Variants in PTPN4 observed in about 807,000 individuals in gnomAD.
PTPN4 encodes tyrosine-protein phosphatase non-receptor type 4.
PTPN4 carries 49 observed loss-of-function variants against 135.5 expected under a neutral mutation model. That is an observed-to-expected ratio of 0.36 (90% CI 0.29 to 0.46). PTPN4 has a LOEUF of 0.46. Ranked by LOEUF, PTPN4 falls within the 20% of genes least tolerant of loss-of-function variation. The pLI is 1.00. For missense variants in PTPN4, 860 were observed against 1,101.0 expected, an observed-to-expected ratio of 0.78 and a Z score of 3.10; for synonymous variants, 333 against 369.9, an observed-to-expected ratio of 0.90 and a Z score of 1.14.
intron 1 of PTPN4, among the ~76,000 whole-genome samples, chr2:119,794,749 G>A (rs932005427): frequency 2.6e-5 from 4 of 152,074 alleles, no homozygotes; most frequent in African/African-American, 4.8e-5. Context: ...CAAGAGGTGT[G>A]TTTCAGCCCT....
intron 2 of PTPN4, among the ~76,000 whole-genome samples, chr2:119,814,628 A>G (rs900821867): frequency 1.3e-5 from 2 of 152,092 alleles, no homozygotes; most frequent in Admixed American, 6.5e-5. Context: ...TTCATTTTCC[A>G]AAATTTTCTT....
At chr2:119,786,975 A>T (rs1456027523) in intron 1 of PTPN4, among the ~76,000 whole-genome samples, 1 of 152,148 alleles carries the variant, frequency 6.6e-6, no homozygotes, top group East Asian at 1.9e-4. Flanking sequence ...ACTACTATAC[A>T]TTTGGAAGAC....
chr2:119,961,887 G>T (rs1336296781), intron 23 of PTPN4, among the ~76,000 whole-genome samples: 1 of 152,146 alleles, frequency 6.6e-6, no homozygotes. Context: ...GGGTAAGGAT[G>T]GGGGAACGGA....
chr2:119,896,368 A>C (rs1678323928), intron 9 of PTPN4, among the ~76,000 whole-genome samples: 1 of 152,230 alleles, frequency 6.6e-6, no homozygotes, highest in Non-Finnish European at 1.5e-5. Context: ...ATTTACCTGT[A>C]AAGCACTGGA....
intron 3 of PTPN4, among the ~76,000 whole-genome samples, chr2:119,872,297 C>T (rs1677924449): frequency 6.6e-6 from 1 of 151,956 alleles, no homozygotes; most frequent in African/African-American, 2.4e-5. Context: ...AAGTTTCTAA[C>T]TTAATTTCTA....
intron 2 of PTPN4, among the ~76,000 whole-genome samples, chr2:119,830,085 A>C (rs1465898812): frequency 6.6e-6 from 1 of 152,102 alleles, no homozygotes. Flanking sequence ...TTTACTGCAT[A>C]ATAATGTTTC....
intron 3 of PTPN4, among the ~76,000 whole-genome samples, chr2:119,870,622 C>T (rs561108797): frequency 5.3e-5 from 8 of 152,000 alleles, no homozygotes; most frequent in Middle Eastern, 3.4e-3. Flanking sequence ...TTCTTAGTAT[C>T]GATATAAGTC....
chr2:119,870,475 A>G (rs1187746321), intron 3 of PTPN4, among the ~76,000 whole-genome samples: 1 of 152,178 alleles, frequency 6.6e-6, no homozygotes, highest in Non-Finnish European at 1.5e-5. Flanking sequence ...ATTTTTGGGG[A>G]GAAGATTTGA....
intron 8 of PTPN4, among the ~76,000 whole-genome samples, chr2:119,884,275 G>A (rs1044367932): frequency 6.6e-6 from 1 of 152,332 alleles, no homozygotes; most frequent in Non-Finnish European, 1.5e-5. Flanking sequence ...ATCAAAAGAA[G>A]AATAGCATTT....
intron 2 of PTPN4, among the ~76,000 whole-genome samples, chr2:119,860,489 A>AAACCT (rs748736819): frequency 1.6e-4 from 25 of 152,178 alleles, no homozygotes; most frequent in Non-Finnish European, 2.5e-4. Flanking sequence ...AGATGGAAAG[A>AAACCT]AACCTAGTCT....
intron 2 of PTPN4, among the ~76,000 whole-genome samples, chr2:119,823,395 C>A (rs537815084): frequency 6.6e-6 from 1 of 152,020 alleles, no homozygotes; most frequent in Non-Finnish European, 1.5e-5. Context: ...CCACCACGCC[C>A]GGCTAATTTT....
intron 13 of PTPN4, among the ~76,000 whole-genome samples, chr2:119,930,669 A>G (rs1419684108): frequency 6.6e-6 from 1 of 152,142 alleles, no homozygotes. Context: ...TTAGTCCGAC[A>G]TTTCTTTTTA....
intron 2 of PTPN4, among the ~76,000 whole-genome samples, chr2:119,847,275 TACACACACACACACACAC>T (rs775485671): frequency 4.5e-4 from 48 of 107,526 alleles, no homozygotes; most frequent in Non-Finnish European, 7.0e-4. Context: ...ATACTCTATA[TACACACACACACACACAC>T]ACACACACAC....
At chr2:119,949,329 G>A (rs1679179190) in intron 18 of PTPN4, among the ~76,000 whole-genome samples, 2 of 151,986 alleles carry the variant, frequency 1.3e-5, no homozygotes, top group African/African-American at 2.4e-5. Flanking sequence ...CCTTCTAATT[G>A]GAAACCACAG....
rs766571170 is a variant in PTPN4, at chr2:119,976,915, T to A, written c.2695-69T>A. ...GCAAGCCAAGTGAGATGTTTGTCTTTTTTGGGGGGAGAGGGGACGGTTTTC... is the reference window on the plus strand; with the variant it reads ...GCAAGCCAAGTGAGATGTTTGTCTTATTTGGGGGGAGAGGGGACGGTTTTC... On this transcript the variant is annotated intron_variant, in intron 26 of 26. Coordinates refer to ENST00000263708, the MANE Select transcript of PTPN4 (RefSeq NM_002830.4). 3 of 1,546,936 alleles carry A rather than the reference T, an allele frequency of 1.9e-6. No homozygotes were observed. In the South Asian group the frequency reaches 3.7e-5, roughly 19 times the overall value.
chr2:119,899,716 A>G (rs1040760248), intron 9 of PTPN4, among the ~76,000 whole-genome samples: 11 of 152,182 alleles, frequency 7.2e-5, no homozygotes, highest in African/African-American at 2.7e-4. Flanking sequence ...GATGTCCTTT[A>G]AAACATGCTT....
chr2:119,964,638 ATC>A (rs5833809), intron 24 of PTPN4, among the ~76,000 whole-genome samples: 11 of 152,292 alleles, frequency 7.2e-5, no homozygotes, highest in African/African-American at 2.6e-4. Flanking sequence ...GTACTTGATT[ATC>A]ATCTTTAAAA....
At chr2:119,843,218 C>CTTTTTTTTTTTTTTTTTTTTTTTTTTT (rs779045976) in intron 2 of PTPN4, among the ~76,000 whole-genome samples, 1 of 107,292 alleles carries the variant, frequency 9.3e-6, no homozygotes, top group Non-Finnish European at 1.9e-5. Flanking sequence ...ATGCATTTTT[C>CTTTTTTTTTTTTTTTTTTTTTTTTTTT]TTTTTTTTTT....
intron 10 of PTPN4, among the ~76,000 whole-genome samples, chr2:119,912,455 C>T (rs144480658): frequency 8.9e-4 from 135 of 152,236 alleles, no homozygotes; most frequent in African/African-American, 3.1e-3. Flanking sequence ...TAATAAAATG[C>T]TTAAAAGGGA....
Sources: allele counts gnomAD v4.1 joint callset (sites outside exome capture counted in the v4.1 genomes callset), GRCh38; gene constraint gnomAD v4.1.1; transcripts MANE v1.5; gene names NCBI Gene and HGNC (gene_info 2026-07-23, HGNC 2026-07-21).